Variants in ADI1 observed in about 807,000 individuals in gnomAD.
ADI1 encodes acireductone dioxygenase 1, also known as acireductone dioxygenase.
ADI1 carries 21 observed loss-of-function variants against 18.7 expected under a neutral mutation model. The observed-to-expected ratio is 1.13, with a 90% CI of 0.80 to 1.62. The LOEUF (loss-of-function observed/expected upper bound fraction) is 1.62, where lower values mean the gene tolerates loss of function less well. Ranked by LOEUF, ADI1 falls within the 40% of genes most tolerant of loss-of-function variation. The pLI is 0.00. For missense variants in ADI1, 245 were observed against 254.9 expected, an observed-to-expected ratio of 0.96 and a Z score of 0.26; for synonymous variants, 90 against 100.1, an observed-to-expected ratio of 0.90 and a Z score of 0.60.
chr2:3,516,067 C>T (rs1667401639), intron 1 of ADI1: 7 of 980,240 alleles, frequency 7.1e-6, no homozygotes, highest in Non-Finnish European at 8.5e-6. Context: ...TGACACGTGT[C>T]ATAAGTTTAA....
chr2:3,515,046 T>C (rs977588697), intron 1 of ADI1: 7 of 522,694 alleles, frequency 1.3e-5, no homozygotes, highest in African/African-American at 1.2e-4. Context: ...AAATTGATTG[T>C]AAAACATGTG....
chr2:3,516,761 T>C (rs904601660), intron 1 of ADI1: 48 of 985,232 alleles, frequency 4.9e-5, no homozygotes, highest in Non-Finnish European at 5.5e-5. Context: ...CAATTGTTTG[T>C]ATGTATGACA....
rs368323228 is a variant in ADI1, at chr2:3,499,126, G to A, written c.421-44C>T. The A allele has an allele frequency of 1.6e-5, 25 of 1,554,454 alleles. No homozygotes were observed. The African/African-American group carries it at 3.3e-4, about 20-fold the overall frequency. On this transcript the variant is annotated intron_variant, in intron 3 of 3. Coordinates refer to ENST00000327435, the MANE Select transcript of ADI1 (RefSeq NM_018269.4). ...CACCCAGCATCTCATTAAACCAGCCGGCCTTCTACTTAGTATTTATTAACA... is the reference window on the plus strand; with the variant it reads ...CACCCAGCATCTCATTAAACCAGCCAGCCTTCTACTTAGTATTTATTAACA...
intron 2 of ADI1, among the ~76,000 whole-genome samples, chr2:3,511,827 C>A (rs1419319452): frequency 6.6e-6 from 1 of 152,186 alleles, no homozygotes; most frequent in African/African-American, 2.4e-5. Flanking sequence ...AAAGTCCAGG[C>A]TAATGAGGTC....
intron 1 of ADI1, chr2:3,516,183 C>T (rs1181732366): frequency 6.5e-6 from 3 of 461,096 alleles, no homozygotes; most frequent in Admixed American, 6.4e-5. Context: ...GGATTAGTGG[C>T]CTTGTAAGAG....
At chr2:3,513,726 T>A in intron 2 of ADI1, 131 bp downstream of exon 2, 1 of 976,310 alleles carries the variant, frequency 1.0e-6, no homozygotes, top group Non-Finnish European at 1.4e-6. Context: ...TTACACAGTT[T>A]CAGGTATTTA....
chr2:3,507,618 GC>G, intron 2 of ADI1, among the ~76,000 whole-genome samples: 1 of 152,176 alleles, frequency 6.6e-6, no homozygotes, highest in East Asian at 1.9e-4. Context: ...AGAATTTGTC[GC>G]CCGTAGACTG....
At position 3,509,839 on chromosome 2, in the gene ADI1, T is replaced by TAA. The variant is rs58123852; in HGVS notation, c.240+4016_240+4017dup. ...GTGAGATTCCAACGCTACAAAAAAT[T>TAA]AAAAAAAAAAAAAAATTAGGCAGGC... On this transcript the variant is annotated intron_variant, in intron 2 of 3. Coordinates refer to ENST00000327435, the MANE Select transcript of ADI1 (RefSeq NM_018269.4). Among the ~76,000 whole-genome samples the TAA allele has an allele frequency of 1.6e-4, 22 of 140,046 alleles. 1 individual carries two copies. The highest frequency in any genetic ancestry group is 3.1e-4 in the African/African-American group (12 of 38,334). The allele number at this position is 140,046 out of a possible 152,430, so 91.9% of individuals were successfully genotyped here.
intron 2 of ADI1, among the ~76,000 whole-genome samples, chr2:3,507,733 T>G (rs1041482850): frequency 4.6e-5 from 7 of 152,210 alleles, no homozygotes; most frequent in Non-Finnish European, 8.8e-5. Context: ...AGAACAGAAA[T>G]AAGAAGAAAA....
Position 3,503,312 on chromosome 2 carries a change from C to T in ADI1, c.241-2319G>A, listed in dbSNP as rs1263600942. Among the ~76,000 whole-genome samples, 5 of 151,384 alleles carry T rather than the reference C, an allele frequency of 3.3e-5. 1 individual carries two copies. The highest frequency in any genetic ancestry group is 3.9e-4 in the East Asian group (2 of 5,130). ...ACACATGCACACATACACACTGACA[C>T]GCACATTCACACACATGCACACATA... On this transcript the variant is annotated intron_variant, in intron 2 of 3. Coordinates refer to ENST00000327435, the MANE Select transcript of ADI1 (RefSeq NM_018269.4).
intron 2 of ADI1, among the ~76,000 whole-genome samples, chr2:3,510,048 C>T (rs1667264706): frequency 6.7e-6 from 1 of 150,224 alleles, no homozygotes; most frequent in African/African-American, 2.5e-5. Context: ...GAGGCTGAGG[C>T]AGGAGAATTG....
chr2:3,504,012 C>T (rs752618777), intron 2 of ADI1, among the ~76,000 whole-genome samples: 3 of 152,080 alleles, frequency 2.0e-5, no homozygotes, highest in Non-Finnish European at 4.4e-5. Flanking sequence ...TCACGACTTA[C>T]GAAAAACGTT....
chr2:3,514,489 G>C (rs1423428353), intron 1 of ADI1, among the ~76,000 whole-genome samples: 2 of 152,164 alleles, frequency 1.3e-5, no homozygotes, highest in Non-Finnish European at 2.9e-5. Context: ...ACTTCTATCT[G>C]TTCCCATCTC....
intron 1 of ADI1, chr2:3,514,731 T>G: frequency 1.3e-6 from 2 of 1,514,032 alleles, no homozygotes; most frequent in South Asian, 1.2e-5. Flanking sequence ...TCTGAACTCT[T>G]ATTTAAAACT....
At chr2:3,511,937 C>T (rs7583568) in intron 2 of ADI1, among the ~76,000 whole-genome samples, 106,813 of 152,160 alleles carry the variant, frequency 0.7, 40,541 homozygotes, top group Non-Finnish European at 0.85. Flanking sequence ...TAGGGATCTG[C>T]GGAAGTTTGA....
chr2:3,519,269 C>G, intron 1 of ADI1, 99 bp downstream of exon 1: 1 of 1,305,980 alleles, frequency 7.7e-7, no homozygotes, highest in Non-Finnish European at 9.7e-7. Context: ...CATGCCGCGG[C>G]TCCCAGGCCG....
In ADI1 at chr2:3,498,757, A is replaced by G; in HGVS notation, c.*206T>C. 1.4e-6 allele frequency: 1 copy of G among 716,226 alleles called. No homozygotes were observed. Among genetic ancestry groups the G allele is most frequent in the Non-Finnish European group, 2.1e-6 (1 of 468,292 alleles). 44.4% of individuals were successfully genotyped at this position (716,226 alleles called of 1,614,324 possible). On this transcript the variant is annotated 3_prime_UTR_variant, in exon 4 of 4. Coordinates refer to ENST00000327435, the MANE Select transcript of ADI1 (RefSeq NM_018269.4). ...TGGACCCACCAGTCTTGATTGAGTT[A>G]CAGAAAATGAAGGTGACTCTTTACA...
At chr2:3,509,839 TAAAA>T (rs58123852) in intron 2 of ADI1, among the ~76,000 whole-genome samples, 1 of 140,048 alleles carries the variant, frequency 7.1e-6, no homozygotes, top group Non-Finnish European at 1.6e-5. Flanking sequence ...TACAAAAAAT[TAAAA>T]AAAAAAAAAA....
At chr2:3,510,343 A>G (rs1667273891) in intron 2 of ADI1, among the ~76,000 whole-genome samples, 1 of 152,090 alleles carries the variant, frequency 6.6e-6, no homozygotes, top group East Asian at 1.9e-4. Context: ...GAATAATAAT[A>G]ATAATAATGA....
Sources: gnomAD v4.1 joint callset for allele counts (sites outside exome capture counted in the v4.1 genomes callset) on GRCh38, gnomAD v4.1.1 for gene constraint, MANE v1.5 for transcripts, NCBI Gene and HGNC (gene_info 2026-07-23, HGNC 2026-07-21) for gene names.